Variants in TYW1 observed in about 807,000 individuals in gnomAD.
The protein encoded by TYW1 is tRNA-yW synthesizing protein 1 homolog.
In TYW1, 46 loss-of-function variants were observed where a neutral mutation model predicts 96.2. That is an observed-to-expected ratio of 0.48 (90% CI 0.38 to 0.61). TYW1 has a LOEUF of 0.61. Among genes scored for constraint, TYW1 ranks in the 20% least tolerant of loss-of-function variants. TYW1 has a pLI of 0.00. For synonymous variants in TYW1, 274 were observed against 323.0 expected (o/e 0.85, Z 1.63); for missense variants, 684 against 909.6 (o/e 0.75, Z 3.19).
At chr7:67,118,222 G>T (rs745343335) in intron 13 of TYW1, among the ~76,000 whole-genome samples, 5 of 152,180 alleles carry the variant, frequency 3.3e-5, no homozygotes, top group Non-Finnish European at 7.3e-5. Context: ...AGCTATTTGG[G>T]AGGCTGAGGC....
At chr7:67,237,455 A>G (rs1324301681) in intron 15 of TYW1, among the ~76,000 whole-genome samples, 1 of 150,962 alleles carries the variant, frequency 6.6e-6, no homozygotes, top group Non-Finnish European at 1.5e-5. Context: ...AGCCGAGATC[A>G]GGCCACTACA....
intron 5 of TYW1, 48 bp from the exon 6 acceptor site, chr7:67,017,805 C>G (rs1389194805): frequency 2.6e-6 from 4 of 1,567,938 alleles, no homozygotes; most frequent in South Asian, 2.4e-5. Context: ...TCTGGAAAAC[C>G]CTGATTTAGA....
chr7:67,126,435 T>C (rs1269421121), intron 13 of TYW1, among the ~76,000 whole-genome samples: 1 of 152,190 alleles, frequency 6.6e-6, no homozygotes, highest in Non-Finnish European at 1.5e-5. Flanking sequence ...GCTTGTCTTT[T>C]CATCTCTTGG....
At chr7:67,166,536 C>G (rs577937968) in intron 13 of TYW1, among the ~76,000 whole-genome samples, 2 of 89,514 alleles carry the variant, frequency 2.2e-5, no homozygotes, top group South Asian at 8.5e-4. Flanking sequence ...GGTCATCAGC[C>G]CCTCCCCTCT....
At chr7:67,140,492 T>G (rs557649074) in intron 13 of TYW1, among the ~76,000 whole-genome samples, 6 of 152,084 alleles carry the variant, frequency 3.9e-5, no homozygotes, top group Admixed American at 3.3e-4. Flanking sequence ...CTAAACATAC[T>G]GAAAATACTA....
intron 9 of TYW1, among the ~76,000 whole-genome samples, chr7:67,058,015 A>G (rs1431816472): frequency 6.6e-6 from 1 of 152,042 alleles, no homozygotes; most frequent in Non-Finnish European, 1.5e-5. Flanking sequence ...GCTCACTGCA[A>G]GCTCTGCCTC....
intron 15 of TYW1, among the ~76,000 whole-genome samples, chr7:67,218,065 G>A (rs2116409767): frequency 6.6e-6 from 1 of 151,530 alleles, no homozygotes; most frequent in South Asian, 2.1e-4. Flanking sequence ...CACCATGTTG[G>A]CCAGGCTGGT....
intron 14 of TYW1, among the ~76,000 whole-genome samples, chr7:67,184,009 A>C (rs184486664): frequency 2.5e-4 from 38 of 151,870 alleles, no homozygotes; most frequent in African/African-American, 9.2e-4. Context: ...TGTAGCGAGA[A>C]GGTCTCACTG....
chr7:67,161,251 G>A (rs571094623), intron 13 of TYW1, among the ~76,000 whole-genome samples: 268 of 152,192 alleles, frequency 1.8e-3, no homozygotes, highest in Middle Eastern at 6.8e-3. Context: ...TTAGAATCAG[G>A]TTTTGTTTTC....
At chr7:67,175,150 T>C (rs1584655430) in intron 13 of TYW1, among the ~76,000 whole-genome samples, 1 of 151,408 alleles carries the variant, frequency 6.6e-6, no homozygotes, top group Non-Finnish European at 1.5e-5. Flanking sequence ...GCACTTTCCA[T>C]CTCATTTTAT....
Position 67,026,696 on chromosome 7 carries a change from A to AT in TYW1, c.984+1687dup, listed in dbSNP as rs961673660. ...CCACCACACCCAGCCAGGTCTGCCT[A>AT]TTTTTTTTTTTTTGAGACGGAGTCT... is the stretch of plus-strand genomic sequence containing the variant. On this transcript the variant is annotated intron_variant, in intron 7 of 15. Transcript: ENST00000359626. Among the ~76,000 whole-genome samples, 1,222 of 144,848 alleles carry AT rather than the reference A, an allele frequency of 8.4e-3. 14 individuals are homozygous for AT. Among genetic ancestry groups the AT allele is most frequent in the South Asian group, 0.02 (94 of 4,586 alleles).
intron 10 of TYW1, among the ~76,000 whole-genome samples, chr7:67,077,685 T>C (rs1426364046): frequency 6.6e-6 from 1 of 152,260 alleles, no homozygotes; most frequent in Non-Finnish European, 1.5e-5. Context: ...TCTGTCATTC[T>C]GCAGGTTGTC....
intron 3 of TYW1, among the ~76,000 whole-genome samples, chr7:67,005,119 C>T (rs1348815626): frequency 6.6e-6 from 1 of 152,112 alleles, no homozygotes; most frequent in Non-Finnish European, 1.5e-5. Flanking sequence ...TGTAGGGTTT[C>T]TGCTGAAAGG....
At chr7:67,155,915 G>T (rs546969691) in intron 13 of TYW1, among the ~76,000 whole-genome samples, 1 of 152,130 alleles carries the variant, frequency 6.6e-6, no homozygotes, top group Non-Finnish European at 1.5e-5. Context: ...TGGTTGGGTA[G>T]TGGTTCTGGG....
At chr7:67,014,223 A>G in intron 4 of TYW1, 144 bp from the exon 5 acceptor site, 2 of 1,176,748 alleles carry the variant, frequency 1.7e-6, no homozygotes, top group Non-Finnish European at 2.4e-6. Context: ...TTTCTTAGTC[A>G]TGCCCTTCAC....
intron 13 of TYW1, among the ~76,000 whole-genome samples, chr7:67,146,987 C>G (rs1199152825): frequency 6.6e-6 from 1 of 152,018 alleles, no homozygotes; most frequent in Non-Finnish European, 1.5e-5. Context: ...GGCACATCTT[C>G]TTTCTTTTAA....
In TYW1 at chr7:67,061,421, A is replaced by G. The variant is rs561539059; in HGVS notation, c.1155+5534A>G. ...TATATTACAGTTTTTCTATAGAGACATAACTTTTTCTTCCCACATTGATCA... is the reference window on the plus strand; with the variant it reads ...TATATTACAGTTTTTCTATAGAGACGTAACTTTTTCTTCCCACATTGATCA... On this transcript the variant is annotated intron_variant, in intron 9 of 15. Transcript: ENST00000359626. 4.3e-4 allele frequency among the ~76,000 whole-genome samples: 65 copies of G among 152,324 alleles called. No individual in the cohort carries two copies. In the South Asian group the frequency reaches 0.013, roughly 31 times the overall value.
At chr7:67,072,441 G>A (rs1271116607) in intron 10 of TYW1, among the ~76,000 whole-genome samples, 1 of 151,862 alleles carries the variant, frequency 6.6e-6, no homozygotes, top group Non-Finnish European at 1.5e-5. Flanking sequence ...CAGAGACAGG[G>A]TTTCACCATG....
intron 12 of TYW1, among the ~76,000 whole-genome samples, chr7:67,105,641 G>A (rs1584567048): frequency 6.6e-6 from 1 of 152,174 alleles, no homozygotes; most frequent in East Asian, 1.9e-4. Context: ...TGTTTCTTCA[G>A]CCCTGAGGCT....
Sources: allele counts gnomAD v4.1 joint callset (sites outside exome capture counted in the v4.1 genomes callset), GRCh38; gene constraint gnomAD v4.1.1; transcripts MANE v1.5; gene names NCBI Gene and HGNC (gene_info 2026-07-23, HGNC 2026-07-21).